DIAPH3: variants seen among roughly 807,000 people sequenced by gnomAD.
DIAPH3 encodes the protein protein diaphanous homolog 3.
A neutral mutation model predicts 144.3 loss-of-function variants in DIAPH3; 117 were observed. The observed-to-expected ratio is 0.81, with a 90% CI of 0.70 to 0.95. DIAPH3 has a LOEUF of 0.95. Among genes scored for constraint, DIAPH3 ranks in the 40% least tolerant of loss-of-function variants. DIAPH3 has a pLI of 0.00. For synonymous variants in DIAPH3, 519 were observed against 488.9 expected (o/e 1.06, Z -0.81); for missense variants, 1,421 against 1,412.7 (o/e 1.01, Z -0.09).
chr13:59,768,802 A>C (rs139786475), intron 27 of DIAPH3, among the ~76,000 whole-genome samples: 240 of 152,306 alleles, frequency 1.6e-3, no homozygotes, highest in African/African-American at 5.2e-3. Flanking sequence ...AAGAGTAAAA[A>C]TAGATAATCA....
chr13:60,163,449 C>T, intron 1 of DIAPH3, 138 bp downstream of exon 1: 2 of 1,207,326 alleles, frequency 1.7e-6, no homozygotes, highest in Non-Finnish European at 2.3e-6. Flanking sequence ...TAGACCCGGT[C>T]GTTGTCAATC....
chr13:60,071,789 T>C (rs2057217252), intron 4 of DIAPH3, among the ~76,000 whole-genome samples: 1 of 152,206 alleles, frequency 6.6e-6, no homozygotes, highest in Non-Finnish European at 1.5e-5. Flanking sequence ...TATGTGTGAT[T>C]CCTTATTTTT....
intron 2 of DIAPH3, among the ~76,000 whole-genome samples, chr13:60,114,836 G>A (rs180859442): frequency 2.6e-5 from 4 of 152,160 alleles, no homozygotes; most frequent in African/African-American, 7.2e-5. Flanking sequence ...AAACAATGGT[G>A]GCAAAAGACA....
intron 24 of DIAPH3, among the ~76,000 whole-genome samples, chr13:59,825,563 G>A (rs1446924954): frequency 6.6e-6 from 1 of 152,228 alleles, no homozygotes; most frequent in Non-Finnish European, 1.5e-5. Flanking sequence ...TAATGGGATG[G>A]CTGGGTCAAA....
At chr13:59,909,841 T>C (rs1251674076) in intron 20 of DIAPH3, among the ~76,000 whole-genome samples, 2 of 152,202 alleles carry the variant, frequency 1.3e-5, no homozygotes, top group Non-Finnish European at 2.9e-5. Flanking sequence ...ACCTCTAGCA[T>C]TGGTATCTGG....
intron 27 of DIAPH3, among the ~76,000 whole-genome samples, chr13:59,764,954 T>C (rs550613410): frequency 6.6e-6 from 1 of 152,256 alleles, no homozygotes; most frequent in African/African-American, 2.4e-5. Context: ...ACTCACATCA[T>C]CGTTTTCTCC....
chr13:59,730,065 G>A (rs970557699), intron 27 of DIAPH3, among the ~76,000 whole-genome samples: 9 of 151,818 alleles, frequency 5.9e-5, no homozygotes, highest in South Asian at 2.1e-4. Context: ...ACAGTATTTG[G>A]TTTTATCTGG....
At chr13:59,850,295 A>G (rs2042888463) in intron 22 of DIAPH3, among the ~76,000 whole-genome samples, 1 of 149,582 alleles carries the variant, frequency 6.7e-6, no homozygotes, top group Admixed American at 6.7e-5. Context: ...TCTTTTCCTA[A>G]TTGAATACCC....
At chr13:59,953,889 T>C (rs1594110381) in intron 17 of DIAPH3, among the ~76,000 whole-genome samples, 2 of 152,142 alleles carry the variant, frequency 1.3e-5, no homozygotes, top group Admixed American at 1.3e-4. Context: ...GAAAGAGCAA[T>C]TTGGAAGCTA....
intron 27 of DIAPH3, among the ~76,000 whole-genome samples, chr13:59,704,387 C>T (rs969927555): frequency 6.6e-6 from 1 of 152,198 alleles, no homozygotes; most frequent in African/African-American, 2.4e-5. Context: ...TCACTGTTTC[C>T]ACAGCTCTTG....
chr13:60,087,430 C>G (rs553983223), intron 4 of DIAPH3, among the ~76,000 whole-genome samples: 1 of 152,278 alleles, frequency 6.6e-6, no homozygotes, highest in South Asian at 2.1e-4. Context: ...TATCCATACA[C>G]ACAAATATAT....
intron 23 of DIAPH3, among the ~76,000 whole-genome samples, chr13:59,837,369 G>A (rs1273843240): frequency 2.0e-5 from 3 of 151,938 alleles, no homozygotes; most frequent in African/African-American, 7.3e-5. Context: ...ACATCATTCA[G>A]TTTCTTGTGT....
At chr13:59,881,130 T>C (rs931786389) in intron 20 of DIAPH3, among the ~76,000 whole-genome samples, 1 of 151,968 alleles carries the variant, frequency 6.6e-6, no homozygotes, top group Non-Finnish European at 1.5e-5. Context: ...TGATCACTTA[T>C]CACAAAGACA....
At chr13:59,823,933 T>A (rs374776938) in intron 24 of DIAPH3, among the ~76,000 whole-genome samples, 1 of 152,186 alleles carries the variant, frequency 6.6e-6, no homozygotes, top group Non-Finnish European at 1.5e-5. Flanking sequence ...GATCAACAGA[T>A]GCAGCAAGAT....
At chr13:60,017,201 C>G (rs1374144133) in intron 5 of DIAPH3, among the ~76,000 whole-genome samples, 2 of 151,768 alleles carry the variant, frequency 1.3e-5, no homozygotes, top group Admixed American at 1.3e-4. Context: ...GTCAGGAGTT[C>G]GAGACCAGCC....
intron 20 of DIAPH3, among the ~76,000 whole-genome samples, chr13:59,893,474 G>T (rs2045923443): frequency 1.3e-5 from 2 of 152,114 alleles, no homozygotes; most frequent in South Asian, 4.1e-4. Context: ...AGGTCAGTTA[G>T]TCACAGAGTA....
At chr13:59,722,635 G>A (rs2035399728) in intron 27 of DIAPH3, among the ~76,000 whole-genome samples, 1 of 152,214 alleles carries the variant, frequency 6.6e-6, no homozygotes, top group African/African-American at 2.4e-5. Context: ...AAGGCAGAAA[G>A]ATAGCTCTCT....
At chr13:59,753,530 T>C (rs2139133287) in intron 27 of DIAPH3, among the ~76,000 whole-genome samples, 1 of 152,342 alleles carries the variant, frequency 6.6e-6, no homozygotes, top group South Asian at 2.1e-4. Context: ...GAAAAGCAGA[T>C]ATCCTCTCGT....
chr13:60,018,233 A>G (rs1156837821), intron 5 of DIAPH3, among the ~76,000 whole-genome samples: 1 of 152,232 alleles, frequency 6.6e-6, no homozygotes, highest in African/African-American at 2.4e-5. Context: ...CAGATTATTC[A>G]TACTGCTATC....
Sources: allele counts gnomAD v4.1 joint callset (sites outside exome capture counted in the v4.1 genomes callset), GRCh38; gene constraint gnomAD v4.1.1; transcripts MANE v1.5; gene names NCBI Gene and HGNC (gene_info 2026-07-23, HGNC 2026-07-21).